Variants in PCDHGA11 observed in about 807,000 individuals in gnomAD.
PCDHGA11 encodes the protein protocadherin gamma-A11.
In PCDHGA11, 39 loss-of-function variants were observed where a neutral mutation model predicts 60.4. That is an observed-to-expected ratio of 0.65 (90% confidence interval 0.50 to 0.84). The LOEUF (loss-of-function observed/expected upper bound fraction) is 0.84, where lower values mean the gene tolerates loss of function less well. Ranked by LOEUF, PCDHGA11 falls within the 40% of genes least tolerant of loss-of-function variation. The pLI is 0.00. For synonymous variants in PCDHGA11, 533 were observed against 510.3 expected (o/e 1.04, Z -0.60); for missense variants, 1,165 against 1,197.7 (o/e 0.97, Z 0.40).
intron 3 of PCDHGA11, among the ~76,000 whole-genome samples, chr5:141,509,880 T>C (rs1475661741): frequency 6.6e-6 from 1 of 152,184 alleles, no homozygotes; most frequent in African/African-American, 2.4e-5. Flanking sequence ...CTGGTGGTGA[T>C]GGTGACTGAC....
chr5:141,431,376 CT>C lies in PCDHGA11; in HGVS notation c.2433+7717del. The C allele has an allele frequency of 1.2e-6, 2 of 1,613,436 alleles. No individual in the cohort carries two copies. The highest frequency in any genetic ancestry group is 1.7e-6 in the Non-Finnish European group (2 of 1,179,562). On this transcript the variant is annotated intron_variant, in intron 1 of 3. Transcript: ENST00000398587. This position sits in a 1 kb window ranked among gnomAD's most constrained non-coding sequence, Gnocchi z 4.8. ...CGCGCCCTGGACCGCGAAGAAAAGG[CT>C]GCTCACCACCTGGTCCTTACGGCCT...
Position 141,431,500 on chromosome 5 carries a change from C to T in PCDHGA11, c.2433+7840C>T, listed in dbSNP as rs903027252. On this transcript the variant is annotated intron_variant, in intron 1 of 3. Transcript: ENST00000398587. This position sits in a 1 kb window ranked among gnomAD's most constrained non-coding sequence, Gnocchi z 4.8. ...CACCAGCGTTTGCTCAGCCCGAGTACCGCGCGAGCGTTCCGGAGAATCTGG... is the reference window on the plus strand; with the variant it reads ...CACCAGCGTTTGCTCAGCCCGAGTATCGCGCGAGCGTTCCGGAGAATCTGG... The T allele has an allele frequency of 4.4e-5, 71 of 1,613,894 alleles. No individual in the cohort carries two copies. The highest frequency in any genetic ancestry group is 5.9e-5 in the Non-Finnish European group (70 of 1,180,050).
At chr5:141,468,191 G>A (rs1420885521) in intron 1 of PCDHGA11, among the ~76,000 whole-genome samples, 1 of 151,860 alleles carries the variant, frequency 6.6e-6, no homozygotes, top group African/African-American at 2.4e-5. Flanking sequence ...TGGGCATGGT[G>A]GCGGGTGCCT....
Position 141,491,287 on chromosome 5 carries a change from C to T in PCDHGA11, c.2434-3520C>T, listed in dbSNP as rs1562145447. 2 of 1,614,030 alleles carry T rather than the reference C, an allele frequency of 1.2e-6. No homozygotes were observed. Among genetic ancestry groups the T allele is most frequent in the Admixed American group, 1.7e-5 (1 of 60,032 alleles). On this transcript the variant is annotated intron_variant, in intron 1 of 3. Coordinates refer to ENST00000398587, the MANE Select transcript of PCDHGA11 (RefSeq NM_018914.3). The surrounding 1 kb of genome is among the most constrained non-coding windows in gnomAD (Gnocchi z 6.9). ...GCCCAAATCCAGTGACTTCCTCATA[C>T]ACCCTCCTGAGCGTTCAGACCTTAC... is the stretch of plus-strand genomic sequence containing the variant.
chr5:141,489,427 C>T lies in PCDHGA11; in HGVS notation c.2434-5380C>T, dbSNP rs370540900. 83 of 1,613,990 alleles carry T rather than the reference C, an allele frequency of 5.1e-5. No individual in the cohort carries two copies. The highest frequency in any genetic ancestry group is 8.3e-5 in the Admixed American group (5 of 59,996). On this transcript the variant is annotated intron_variant, in intron 1 of 3. Transcript: ENST00000398587. The surrounding 1 kb of genome is among the most constrained non-coding windows in gnomAD (Gnocchi z 4.5). ...AAAGATGACAGATCTGTTGAGCCGGCGGCTGCAATTGGGCTCTGAGGAGAA... is the reference window on the plus strand; with the variant it reads ...AAAGATGACAGATCTGTTGAGCCGGTGGCTGCAATTGGGCTCTGAGGAGAA...
chr5:141,429,169 T>TACGC (rs2097190400), intron 1 of PCDHGA11: 1 of 145,394 alleles, frequency 6.9e-6, no homozygotes, highest in Non-Finnish European at 1.5e-5. Flanking sequence ...ACATTGTTTA[T>TACGC]ACACACACAC....
intron 1 of PCDHGA11, among the ~76,000 whole-genome samples, chr5:141,466,358 A>G (rs1210013683): frequency 6.6e-6 from 1 of 152,066 alleles, no homozygotes; most frequent in Admixed American, 6.5e-5. Flanking sequence ...GCTAATCTAG[A>G]TGTAATGGTT....
Position 141,491,900 on chromosome 5 carries a change from G to T in PCDHGA11, c.2434-2907G>T. The T allele has an allele frequency of 7.0e-7, 1 of 1,429,936 alleles. No homozygotes were observed. The highest frequency in any genetic ancestry group is 1.5e-5 in the South Asian group (1 of 67,072). 88.6% of individuals were successfully genotyped at this position (1,429,936 alleles called of 1,614,324 possible). A position where few individuals can be genotyped will look rare whatever the true frequency, so the allele number is the denominator to read the frequency against. ...TAAGGGATGGGGCTCCGAGCACCGG[G>T]GGTGGTGGCGACTGTGGGCGAGGGG... On this transcript the variant is annotated intron_variant, in intron 1 of 3. Transcript: ENST00000398587. This position sits in a 1 kb window ranked among gnomAD's most constrained non-coding sequence, Gnocchi z 6.9.
rs2096666670 is a variant in PCDHGA11, at chr5:141,422,714, C to T, written c.1487C>T (p.Thr496Ile). The change falls in exon 1 of 4, where the codon ACT (threonine) becomes ATT (isoleucine). Residue 496 changes from threonine to isoleucine, a missense_variant. By Grantham distance (89) the Thr-to-Ile change is moderately conservative. Coordinates refer to ENST00000398587, the MANE Select transcript of PCDHGA11 (RefSeq NM_018914.3). ...ALVTYSLTDD[T>I]VQGVPLSSYV... ...GTCACTTACTCTCTGACGGATGACACTGTCCAGGGGGTGCCTCTGTCCTCC... is the reference window on the plus strand; with the variant it reads ...GTCACTTACTCTCTGACGGATGACATTGTCCAGGGGGTGCCTCTGTCCTCC... 6.2e-7 allele frequency: 1 copy of T among 1,603,720 alleles called. No individual in the cohort carries two copies. The highest frequency in any genetic ancestry group is 1.1e-5 in the South Asian group (1 of 88,870).
chr5:141,482,380 C>A (rs2099557573), intron 1 of PCDHGA11, among the ~76,000 whole-genome samples: 1 of 151,712 alleles, frequency 6.6e-6, no homozygotes, highest in Non-Finnish European at 1.5e-5. Context: ...ATATAAAGTC[C>A]CTGTATGGAG....
chr5:141,423,611 C>T lies in PCDHGA11; in HGVS notation c.2384C>T (p.Ala795Val). ...GAGAAAAGCGAGCCACTCTTGATAG[C>T]TGAAGACTCAGCTATCATTTTAGGC... Reference protein sequence around the residue: ...SCEKSEPLLIAEDSAIILGKC... With the variant: ...SCEKSEPLLIVEDSAIILGKC... The change falls in exon 1 of 4, where the codon GCT (alanine) becomes GTT (valine). Residue 795 changes from alanine (A) to valine (V), a missense_variant. Transcript: ENST00000398587. The T allele has an allele frequency of 1.1e-5, 18 of 1,611,094 alleles. No homozygotes were observed. The highest frequency in any genetic ancestry group is 1.5e-5 in the Non-Finnish European group (18 of 1,178,428).
At chr5:141,427,693 C>G in intron 1 of PCDHGA11, 1 of 909,726 alleles carries the variant, frequency 1.1e-6, no homozygotes, top group Non-Finnish European at 1.8e-6. Flanking sequence ...GCCTCCATCC[C>G]ACAAGTCAGC....
At position 141,512,348 on chromosome 5, in the gene PCDHGA11, G is replaced by C. The variant is rs1172891268; in HGVS notation, c.*1175G>C. 4 of 152,886 alleles carry C rather than the reference G, an allele frequency of 2.6e-5. No homozygotes were observed. The highest frequency in any genetic ancestry group is 9.6e-5 in the African/African-American group (4 of 41,462). The allele number at this position is 152,886 out of a possible 1,614,324, so 9.5% of individuals were successfully genotyped here. A position where few individuals can be genotyped will look rare whatever the true frequency, so the allele number is the denominator to read the frequency against. ...GGCCATTCTTAGTCCCTGGGTTGGG[G>C]AGGCAGGGAGCTAGGGCAGGGACCA... On this transcript the variant is annotated 3_prime_UTR_variant, in exon 4 of 4. Transcript: ENST00000398587.
At chr5:141,442,111 C>G (rs1265830634) in intron 1 of PCDHGA11, 1 of 166,236 alleles carries the variant, frequency 6.0e-6, no homozygotes, top group Non-Finnish European at 1.3e-5. Context: ...CACTACCGCC[C>G]CTCGTCGCCG....
In PCDHGA11 at chr5:141,441,877, C is replaced by T. The variant is rs945298341; in HGVS notation, c.2433+18217C>T. ...GCTGCACGCCGCGGAGCCTGGCTACCTGGTCACCAAGGTGGTGGCTGTAGA... is the reference window on the plus strand; with the variant it reads ...GCTGCACGCCGCGGAGCCTGGCTACTTGGTCACCAAGGTGGTGGCTGTAGA... On this transcript the variant is annotated intron_variant, in intron 1 of 3. Transcript: ENST00000398587. 4 of 343,582 alleles carry T rather than the reference C, an allele frequency of 1.2e-5. No homozygotes were observed. In the Admixed American group the frequency reaches 1.6e-4, roughly 13 times the overall value. 21.3% of individuals were successfully genotyped at this position (343,582 alleles called of 1,614,324 possible).
At chr5:141,501,328 CA>C (rs1446948770) in intron 2 of PCDHGA11, among the ~76,000 whole-genome samples, 83 of 151,828 alleles carry the variant, frequency 5.5e-4, no homozygotes, top group Admixed American at 2.2e-3. Context: ...CACACACACA[CA>C]CACACCCCAA....
In PCDHGA11 at chr5:141,489,261, A is replaced by C; in HGVS notation, c.2434-5546A>C. 6.4e-7 allele frequency: 1 copy of C among 1,551,956 alleles called. No individual in the cohort carries two copies. Among genetic ancestry groups the C allele is most frequent in the East Asian group, 2.2e-5 (1 of 44,450 alleles). Reference sequence around the variant, plus strand: ...GGGTCATGGGGCCCAAGACACTCCCACAGCTCGCTGGGAAATGGCAAGTGC... The same window carrying C: ...GGGTCATGGGGCCCAAGACACTCCCCCAGCTCGCTGGGAAATGGCAAGTGC... On this transcript the variant is annotated intron_variant, in intron 1 of 3. Coordinates refer to ENST00000398587, the MANE Select transcript of PCDHGA11 (RefSeq NM_018914.3). The surrounding 1 kb of genome is among the most constrained non-coding windows in gnomAD (Gnocchi z 4.5).
intron 1 of PCDHGA11, among the ~76,000 whole-genome samples, chr5:141,464,689 TATTATGA>T (rs1378742227): frequency 4.6e-5 from 7 of 152,182 alleles, no homozygotes; most frequent in Admixed American, 2.6e-4. Context: ...AAATTTCTCT[TATTATGA>T]ATGAGGTTAA....
rs1456184444 is a variant in PCDHGA11, at chr5:141,512,578, C to T, written c.*1405C>T. On this transcript the variant is annotated 3_prime_UTR_variant, in exon 4 of 4. Coordinates refer to ENST00000398587, the MANE Select transcript of PCDHGA11 (RefSeq NM_018914.3). ...ATAGACCTTCTTCTCCCACCCCCTT[C>T]TGCCCCTGGGTCCCCGGCCATCCAG... is the stretch of plus-strand genomic sequence containing the variant. 1 of 152,944 alleles carries T rather than the reference C, an allele frequency of 6.5e-6. No homozygotes were observed. The highest frequency in any genetic ancestry group is 1.5e-5 in the Non-Finnish European group (1 of 68,542). 9.5% of individuals were successfully genotyped at this position (152,944 alleles called of 1,614,324 possible). A position where few individuals can be genotyped will look rare whatever the true frequency, so the allele number is the denominator to read the frequency against.
Sources: allele counts gnomAD v4.1 joint callset (sites outside exome capture counted in the v4.1 genomes callset), GRCh38; gene constraint gnomAD v4.1.1; non-coding constraint Gnocchi (gnomAD v3.1); transcripts MANE v1.5; gene names NCBI Gene and HGNC (gene_info 2026-07-23, HGNC 2026-07-21).